The following FCHSD2 variants were observed in gnomAD, a reference collection of about 807,000 sequenced individuals.
The protein encoded by FCHSD2 is F-BAR and double SH3 domains protein 2.
Under a neutral mutation model 108.1 loss-of-function variants are expected in FCHSD2, and 38 were observed. The ratio of observed to expected loss-of-function variants is 0.35; its 90% confidence interval spans 0.27 to 0.46. The LOEUF (loss-of-function observed/expected upper bound fraction) is 0.46, where lower values mean the gene tolerates loss of function less well. FCHSD2 is among the 20% of genes least tolerant of loss of function. FCHSD2 has a pLI of 1.00. For synonymous variants in FCHSD2, 279 were observed against 314.7 expected, an observed-to-expected ratio of 0.89 and a Z score of 1.20; for missense variants, 751 against 897.8, an observed-to-expected ratio of 0.84 and a Z score of 2.09.
chr11:72,964,469 CCA>C (rs1856868381), intron 8 of FCHSD2, among the ~76,000 whole-genome samples: 1 of 152,178 alleles, frequency 6.6e-6, no homozygotes, highest in Non-Finnish European at 1.5e-5. Context: ...TGTGCTACTA[CCA>C]CACTGTGTAC....
chr11:72,857,435 C>CTTT (rs56061370), intron 13 of FCHSD2, among the ~76,000 whole-genome samples: 1 of 82,288 alleles, frequency 1.2e-5, no homozygotes, highest in Non-Finnish European at 2.5e-5. Flanking sequence ...ATGCTTACTC[C>CTTT]TTTTTTTTTT....
At chr11:73,011,349 C>T (rs1022604420) in intron 4 of FCHSD2, among the ~76,000 whole-genome samples, 6 of 152,092 alleles carry the variant, frequency 3.9e-5, no homozygotes, top group Admixed American at 3.3e-4. Flanking sequence ...GAGCTGGAAG[C>T]CTAGGCTAGC....
chr11:73,132,523 C>T (rs2135573153), intron 2 of FCHSD2, among the ~76,000 whole-genome samples: 1 of 152,100 alleles, frequency 6.6e-6, no homozygotes, highest in South Asian at 2.1e-4. Flanking sequence ...ATTAAGTGCA[C>T]ATAAAAAACT....
At chr11:72,847,570 C>G (rs1861179086) in intron 14 of FCHSD2, among the ~76,000 whole-genome samples, 1 of 151,968 alleles carries the variant, frequency 6.6e-6, no homozygotes, top group Non-Finnish European at 1.5e-5. Context: ...CATTATAAAG[C>G]AGTACTATAT....
At chr11:72,989,981 T>C (rs1022912594) in intron 5 of FCHSD2, among the ~76,000 whole-genome samples, 2 of 152,100 alleles carry the variant, frequency 1.3e-5, no homozygotes, top group African/African-American at 4.8e-5. Context: ...ATCAGAAGAA[T>C]GAGGATAAAA....
chr11:73,140,155 G>A (rs1206940726), intron 1 of FCHSD2, 27 bp from the exon 2 acceptor site: 1 of 1,372,164 alleles, frequency 7.3e-7, no homozygotes, highest in Non-Finnish European at 9.9e-7. Flanking sequence ...ATTTATGAAG[G>A]TCTTTTTACA....
chr11:72,848,406 AG>A (rs1180587505), intron 14 of FCHSD2, among the ~76,000 whole-genome samples: 1 of 152,232 alleles, frequency 6.6e-6, no homozygotes, highest in Admixed American at 6.5e-5. Flanking sequence ...CACTGCATCT[AG>A]AAAGGTCTTA....
chr11:73,060,085 T>C (rs997147539), intron 3 of FCHSD2, among the ~76,000 whole-genome samples: 2 of 152,212 alleles, frequency 1.3e-5, no homozygotes, highest in African/African-American at 4.8e-5. Flanking sequence ...CAGAGATGAC[T>C]AACACCTCTA....
rs189546279 is a variant in FCHSD2 at position 72,876,889 on chromosome 11, A to G, written c.1147-8863T>C. 4.6e-5 allele frequency among the ~76,000 whole-genome samples: 7 copies of G among 152,144 alleles called. No individual in the cohort carries two copies. In the South Asian group the frequency reaches 1.4e-3, roughly 31 times the overall value. ...AGGATTTTAATATATTCATGATGAAATGTCTTTAAAAAATCATTATGCATT... is the reference window on the plus strand; with the variant it reads ...AGGATTTTAATATATTCATGATGAAGTGTCTTTAAAAAATCATTATGCATT... On this transcript the variant is annotated intron_variant, in intron 12 of 19. Coordinates refer to ENST00000409418, the MANE Select transcript of FCHSD2 (RefSeq NM_014824.3).
At chr11:72,985,326 G>A (rs1242187065) in intron 6 of FCHSD2, among the ~76,000 whole-genome samples, 1 of 144,182 alleles carries the variant, frequency 6.9e-6, no homozygotes, top group African/African-American at 2.6e-5. Context: ...GGAAATACTG[G>A]GATTAATATA....
rs770278647 is a variant in FCHSD2, at chr11:72,921,905, C to T, written c.751G>A (p.Ala251Thr). The T allele has an allele frequency of 6.2e-6, 10 of 1,602,070 alleles. No individual in the cohort carries two copies. The highest frequency in any genetic ancestry group is 8.5e-6 in the Non-Finnish European group (10 of 1,172,796). ...VYDHLKDYLI[A>T]FSRTELETCQ... ...GTTTCTAGCTCAGTCCGGCTGAAGG[C>T]TATTAAATAATCCTTGAGATGATCA... The change falls in exon 9 of 20, where the codon GCC becomes ACC. Residue 251 changes from alanine to threonine, a missense_variant. By Grantham distance (58) the Ala-to-Thr change is moderately conservative. Transcript: ENST00000409418.
chr11:72,851,281 T>C (rs1861281849), intron 13 of FCHSD2, among the ~76,000 whole-genome samples: 1 of 152,038 alleles, frequency 6.6e-6, no homozygotes, highest in African/African-American at 2.4e-5. Context: ...GAATACATCA[T>C]GGGGAAATAA....
At chr11:72,839,251 G>C (rs1337986581) in intron 19 of FCHSD2, among the ~76,000 whole-genome samples, 1 of 152,208 alleles carries the variant, frequency 6.6e-6, no homozygotes, top group Non-Finnish European at 1.5e-5. Flanking sequence ...TAGAAAGGTA[G>C]GCTAGGGTTA....
At chr11:72,971,005 T>A (rs879933477) in intron 8 of FCHSD2, among the ~76,000 whole-genome samples, 1 of 152,154 alleles carries the variant, frequency 6.6e-6, no homozygotes, top group Non-Finnish European at 1.5e-5. Context: ...GAATTCAACC[T>A]TCACATTTGA....
At chr11:73,132,370 T>C (rs1341997057) in intron 2 of FCHSD2, among the ~76,000 whole-genome samples, 3 of 152,324 alleles carry the variant, frequency 2.0e-5, no homozygotes, top group South Asian at 2.1e-4. Context: ...TCAATATTAA[T>C]CTTGTTTCAC....
chr11:72,981,371 T>C (rs567555025), intron 8 of FCHSD2, among the ~76,000 whole-genome samples: 6 of 152,304 alleles, frequency 3.9e-5, no homozygotes, highest in Admixed American at 3.9e-4. Context: ...ACTTCCTCTT[T>C]GCTTTAGGCA....
intron 8 of FCHSD2, among the ~76,000 whole-genome samples, chr11:72,939,938 C>T (rs909510256): frequency 2.0e-5 from 3 of 152,012 alleles, no homozygotes; most frequent in Non-Finnish European, 2.9e-5. Context: ...TTTGTATAAC[C>T]GAGTAGTAAA....
chr11:72,892,845 C>A (rs1855345039), intron 10 of FCHSD2, among the ~76,000 whole-genome samples: 1 of 151,876 alleles, frequency 6.6e-6, no homozygotes, highest in South Asian at 2.1e-4. Context: ...ACCTCGTGAT[C>A]CACCCGCCTC....
intron 8 of FCHSD2, among the ~76,000 whole-genome samples, chr11:72,955,189 C>A (rs1009313795): frequency 6.6e-5 from 10 of 152,148 alleles, no homozygotes; most frequent in Admixed American, 3.3e-4. Flanking sequence ...TCTGACCAAC[C>A]AGCTAAAAAT....
Sources: allele counts gnomAD v4.1 joint callset (sites outside exome capture counted in the v4.1 genomes callset), GRCh38; gene constraint gnomAD v4.1.1; transcripts MANE v1.5; gene names NCBI Gene and HGNC (gene_info 2026-07-23, HGNC 2026-07-21).